Variants in FAM184B observed in about 807,000 individuals in gnomAD.
FAM184B encodes the protein family with sequence similarity 184 member B, also known as protein FAM184B.
FAM184B carries 111 observed loss-of-function variants against 135.9 expected under a neutral mutation model. The ratio of observed to expected loss-of-function variants is 0.82; its 90% CI spans 0.70 to 0.96. The LOEUF is 0.96. Among genes scored for constraint, FAM184B ranks in the 40% least tolerant of loss-of-function variants. The pLI, the probability that FAM184B is intolerant of heterozygous loss-of-function variation, is 0.00. For synonymous variants in FAM184B, 552 were observed against 524.8 expected (o/e 1.05, Z -0.71); for missense variants, 1,375 against 1,323.9 (o/e 1.04, Z -0.60).
intron 1 of FAM184B, among the ~76,000 whole-genome samples, chr4:17,727,227 C>T (rs550950978): frequency 2.0e-5 from 3 of 152,208 alleles, no homozygotes; most frequent in African/African-American, 4.8e-5. Flanking sequence ...ATGAGAAGGA[C>T]GTGTACACAC....
At chr4:17,699,473 A>G (rs1306952197) in intron 5 of FAM184B, among the ~76,000 whole-genome samples, 4 of 152,154 alleles carry the variant, frequency 2.6e-5, no homozygotes, top group Non-Finnish European at 4.4e-5. Context: ...GAAATATACT[A>G]TGCACAAGGA....
chr4:17,700,160 C>T (rs1716952839), intron 5 of FAM184B, among the ~76,000 whole-genome samples: 1 of 151,902 alleles, frequency 6.6e-6, no homozygotes, highest in Non-Finnish European at 1.5e-5. Flanking sequence ...ACAGATGTGA[C>T]AAGTAGGAAA....
intron 1 of FAM184B, among the ~76,000 whole-genome samples, chr4:17,741,554 C>T (rs918582758): frequency 6.6e-6 from 1 of 152,154 alleles, no homozygotes; most frequent in East Asian, 1.9e-4. Context: ...AGTAGCTGGG[C>T]GTGGTGGCGC....
chr4:17,758,808 A>C (rs148320472), intron 1 of FAM184B, among the ~76,000 whole-genome samples: 19 of 152,244 alleles, frequency 1.2e-4, no homozygotes, highest in African/African-American at 4.1e-4. Context: ...GCACTGGCAC[A>C]TCGATCGTGG....
chr4:17,726,267 C>T (rs555211912), intron 1 of FAM184B, among the ~76,000 whole-genome samples: 2 of 152,286 alleles, frequency 1.3e-5, no homozygotes, highest in Non-Finnish European at 1.5e-5. Context: ...ATTCCCAAAT[C>T]CATTAGCTTG....
At chr4:17,657,688 GCT>G (rs917157784) in intron 10 of FAM184B, among the ~76,000 whole-genome samples, 12 of 113,652 alleles carry the variant, frequency 1.1e-4, no homozygotes, top group African/African-American at 4.2e-4. Flanking sequence ...ACAGAGTCTT[GCT>G]CTGTCACCCA....
At chr4:17,756,327 C>G (rs1451356069) in intron 1 of FAM184B, among the ~76,000 whole-genome samples, 1 of 152,114 alleles carries the variant, frequency 6.6e-6, no homozygotes, top group East Asian at 1.9e-4. Flanking sequence ...AAGGGTTTCT[C>G]TAACCAAAAA....
intron 1 of FAM184B, among the ~76,000 whole-genome samples, chr4:17,769,185 T>G (rs765480026): frequency 6.6e-6 from 1 of 152,256 alleles, no homozygotes; most frequent in East Asian, 1.9e-4. Context: ...AAAATTATGT[T>G]GAAGAGTTCA....
chr4:17,649,510 G>A (rs144009068), intron 11 of FAM184B, among the ~76,000 whole-genome samples: 324 of 151,882 alleles, frequency 2.1e-3, no homozygotes, highest in African/African-American at 7.4e-3. Flanking sequence ...TGTGAACCCG[G>A]GTGGTGGGAC....
intron 1 of FAM184B, among the ~76,000 whole-genome samples, chr4:17,721,370 A>G (rs1043060980): frequency 4.7e-5 from 6 of 128,228 alleles, no homozygotes; most frequent in African/African-American, 2.0e-4. Context: ...GGCGACAGAG[A>G]AAGATTCTGT....
intron 7 of FAM184B, among the ~76,000 whole-genome samples, chr4:17,685,408 G>A (rs1445287114): frequency 2.0e-5 from 3 of 151,542 alleles, no homozygotes; most frequent in African/African-American, 7.3e-5. Context: ...AATTAGTCGG[G>A]CGTGGTGGTG....
intron 7 of FAM184B, among the ~76,000 whole-genome samples, chr4:17,681,333 A>T (rs1381300197): frequency 6.6e-6 from 1 of 152,152 alleles, no homozygotes; most frequent in African/African-American, 2.4e-5. Context: ...GCTCCTAAGG[A>T]GGTCTTGGGC....
At chr4:17,759,260 TAGTG>T (rs1560194792) in intron 1 of FAM184B, among the ~76,000 whole-genome samples, 2 of 152,168 alleles carry the variant, frequency 1.3e-5, no homozygotes, top group East Asian at 1.9e-4. Context: ...GTTCTCATGA[TAGTG>T]AGTGAGTTCT....
At chr4:17,672,219 T>C (rs1466995822) in intron 7 of FAM184B, among the ~76,000 whole-genome samples, 1 of 151,660 alleles carries the variant, frequency 6.6e-6, no homozygotes, top group African/African-American at 2.4e-5. Flanking sequence ...GCAGAAAACT[T>C]GCAGGCCAGA....
Position 17,684,334 on chromosome 4 carries a change from T to C in FAM184B, c.1596+4090A>G, listed in dbSNP as rs530718612. On this transcript the variant is annotated intron_variant, in intron 7 of 17. Coordinates refer to ENST00000265018, the MANE Select transcript of FAM184B (RefSeq NM_015688.2). ...AAAGGATACATAAGAAGAGAGAAAA[T>C]AAAACACAACAAGTAGTTTTTCCTG... is the stretch of plus-strand genomic sequence containing the variant. 5.9e-5 allele frequency among the ~76,000 whole-genome samples: 9 copies of C among 151,760 alleles called. No homozygotes were observed. In the South Asian group the frequency reaches 1.9e-3, roughly 32 times the overall value.
At chr4:17,665,429 G>GA (rs1716024196) in intron 7 of FAM184B, among the ~76,000 whole-genome samples, 1 of 152,194 alleles carries the variant, frequency 6.6e-6, no homozygotes. Context: ...CACTGTCCAT[G>GA]AAAACAGTAT....
chr4:17,643,266 G>A (rs1715374613), intron 12 of FAM184B, among the ~76,000 whole-genome samples: 1 of 152,210 alleles, frequency 6.6e-6, no homozygotes, highest in African/African-American at 2.4e-5. Flanking sequence ...GCTTGGGCCT[G>A]CAGCCTGGCA....
At chr4:17,686,975 G>T (rs1291810263) in intron 7 of FAM184B, among the ~76,000 whole-genome samples, 1 of 152,186 alleles carries the variant, frequency 6.6e-6, no homozygotes, top group African/African-American at 2.4e-5. Flanking sequence ...TCAAAGATGA[G>T]AACAGTGCTC....
At chr4:17,726,922 T>A (rs1717655740) in intron 1 of FAM184B, among the ~76,000 whole-genome samples, 1 of 152,168 alleles carries the variant, frequency 6.6e-6, no homozygotes, top group Non-Finnish European at 1.5e-5. Context: ...GCCAATGGGA[T>A]AGAATATTCT....
Sources: gnomAD v4.1 joint callset for allele counts (sites outside exome capture counted in the v4.1 genomes callset) on GRCh38, gnomAD v4.1.1 for gene constraint, MANE v1.5 for transcripts, NCBI Gene and HGNC (gene_info 2026-07-23, HGNC 2026-07-21) for gene names.